TM4SF4: variants seen among roughly 807,000 people sequenced by gnomAD.
TM4SF4 encodes transmembrane 4 L six family member 4.
Under a neutral mutation model 24.1 loss-of-function variants are expected in TM4SF4, and 24 were observed. The ratio of observed to expected loss-of-function variants is 1.00; its 90% CI spans 0.72 to 1.40. TM4SF4 has a LOEUF of 1.40. Among genes scored for constraint, TM4SF4 ranks in the 40% most tolerant of loss-of-function variants. The probability of loss-of-function intolerance (pLI) is 0.00; values close to 1 mark genes in which losing one functional copy is unlikely to be tolerated. For missense variants in TM4SF4, 254 were observed against 254.2 expected, an observed-to-expected ratio of 1.00 and a Z score of 0.01; for synonymous variants, 113 against 97.0, an observed-to-expected ratio of 1.17 and a Z score of -0.97.
At chr3:149,487,340 T>C (rs1380100656) in intron 2 of TM4SF4, among the ~76,000 whole-genome samples, 1 of 152,092 alleles carries the variant, frequency 6.6e-6, no homozygotes, top group East Asian at 2.0e-4. Context: ...GGAGAGTTTA[T>C]CTTTAACAAG....
Position 149,502,771 on chromosome 3 carries a change from A to G in TM4SF4, c.*78A>G. ...TCATAAAACTTCTTCTCTTCTTGGA[A>G]TTATTAATTCCTATCTGCTTCCTAG... On this transcript the variant is annotated 3_prime_UTR_variant, in exon 5 of 5. Coordinates refer to ENST00000305354, the MANE Select transcript of TM4SF4 (RefSeq NM_004617.4). The G allele has an allele frequency of 1.9e-6, 2 of 1,074,824 alleles. No individual in the cohort carries two copies. Among genetic ancestry groups the G allele is most frequent in the South Asian group, 1.3e-5 (1 of 75,362 alleles). 66.6% of individuals were successfully genotyped at this position (1,074,824 alleles called of 1,614,324 possible). A position where few individuals can be genotyped will look rare whatever the true frequency, so the allele number is the denominator to read the frequency against.
chr3:149,486,383 G>GGTCTGT (rs892085596), intron 2 of TM4SF4, among the ~76,000 whole-genome samples: 1 of 152,124 alleles, frequency 6.6e-6, no homozygotes, highest in Non-Finnish European at 1.5e-5. Context: ...CCTGGGTCTG[G>GGTCTGT]GTCTGCTGAC....
intron 2 of TM4SF4, among the ~76,000 whole-genome samples, chr3:149,483,552 G>T (rs1005028903): frequency 2.0e-5 from 3 of 150,890 alleles, no homozygotes; most frequent in African/African-American, 7.3e-5. Flanking sequence ...AAACTTATAG[G>T]ATCCAATAAG....
chr3:149,487,920 A>G (rs1734147449), intron 3 of TM4SF4, among the ~76,000 whole-genome samples, 165 bp downstream of exon 3: 1 of 152,236 alleles, frequency 6.6e-6, no homozygotes, highest in Non-Finnish European at 1.5e-5. Context: ...GCAAAGTTGC[A>G]TAGGCTCTCA....
intron 2 of TM4SF4, among the ~76,000 whole-genome samples, chr3:149,483,215 TCG>T: frequency 1.3e-5 from 2 of 152,336 alleles, no homozygotes; most frequent in Admixed American, 1.3e-4. Flanking sequence ...TCTCTTGCTC[TCG>T]TCCTAGAGTT....
intron 2 of TM4SF4, among the ~76,000 whole-genome samples, chr3:149,485,582 A>G (rs1210484204): frequency 2.0e-5 from 3 of 152,210 alleles, no homozygotes; most frequent in African/African-American, 7.2e-5. Flanking sequence ...CAAATAACTT[A>G]TTGTCTGTGA....
chr3:149,496,513 G>A (rs1178779769), intron 3 of TM4SF4, among the ~76,000 whole-genome samples: 4 of 152,310 alleles, frequency 2.6e-5, no homozygotes, highest in South Asian at 2.1e-4. Context: ...CAGATGCCGT[G>A]GCTCACAACT....
Position 149,498,783 on chromosome 3 carries a change from T to G in TM4SF4, c.463T>G (p.Trp155Gly), listed in dbSNP as rs766524260. 2.2e-5 allele frequency: 36 copies of G among 1,614,030 alleles called. No individual in the cohort carries two copies. The highest frequency in any genetic ancestry group is 2.9e-5 in the Non-Finnish European group (34 of 1,179,880). ...KCREPLNVVP[W>G]NLTLFSILLV... The stretch of plus-strand genomic sequence containing the variant: ...CCGAGAGCCTCTCAATGTGGTTCCC[T>G]GGAATCTGACCCTCTTCTCCATCCT... The change falls in exon 4 of 5, where the codon TGG becomes GGG. Residue 155 changes from tryptophan to glycine, a missense_variant. Coordinates refer to ENST00000305354, the MANE Select transcript of TM4SF4 (RefSeq NM_004617.4).
rs968408288 is a variant in TM4SF4, at chr3:149,474,808, C to G, written c.-70C>G. ...TTACAAGGACTCTCTGGCCAAAAAC[C>G]CTTGAAGAGGCCCCGTGAAGGAGGC... is the stretch of plus-strand genomic sequence containing the variant. On this transcript the variant is annotated 5_prime_UTR_variant, in exon 1 of 5. Coordinates refer to ENST00000305354, the MANE Select transcript of TM4SF4 (RefSeq NM_004617.4). The G allele has an allele frequency of 9.3e-6, 14 of 1,504,052 alleles. No individual in the cohort carries two copies. Among genetic ancestry groups the G allele is most frequent in the African/African-American group, 2.8e-5 (2 of 71,150 alleles). The allele number at this position is 1,504,052 out of a possible 1,614,324, so 93.2% of individuals were successfully genotyped here.
intron 3 of TM4SF4, 88 bp from the exon 4 acceptor site, chr3:149,498,634 C>T: frequency 2.5e-6 from 3 of 1,184,418 alleles, no homozygotes; most frequent in Non-Finnish European, 3.7e-6. Context: ...GAAAGTAGTG[C>T]ATGAGAAACA....
At chr3:149,488,447 A>G (rs1170604135) in intron 3 of TM4SF4, among the ~76,000 whole-genome samples, 1 of 152,198 alleles carries the variant, frequency 6.6e-6, no homozygotes, top group African/African-American at 2.4e-5. Flanking sequence ...CAGGGCTCAA[A>G]CTCAGGACTT....
intron 2 of TM4SF4, among the ~76,000 whole-genome samples, chr3:149,476,362 C>T (rs540729785): frequency 6.6e-6 from 1 of 152,318 alleles, no homozygotes; most frequent in African/African-American, 2.4e-5. Flanking sequence ...TTCTAGGTTC[C>T]TCACTCACAC....
chr3:149,488,459 T>C (rs1734158826), intron 3 of TM4SF4, among the ~76,000 whole-genome samples: 1 of 152,232 alleles, frequency 6.6e-6, no homozygotes, highest in Admixed American at 6.5e-5. Flanking sequence ...TCAGGACTTC[T>C]GACTTCAAGT....
intron 3 of TM4SF4, chr3:149,494,592 G>A (rs1734278275): frequency 6.8e-6 from 1 of 146,050 alleles, no homozygotes; most frequent in Non-Finnish European, 1.5e-5. Context: ...AAAAAAAAAG[G>A]CATTTTCACA....
rs1733892766 is a variant in TM4SF4, at chr3:149,474,775, G to C, written c.-103G>C. The C allele has an allele frequency of 4.0e-6, 5 of 1,251,994 alleles. No homozygotes were observed. The highest frequency in any genetic ancestry group is 5.5e-6 in the Non-Finnish European group (5 of 915,592). The allele number at this position is 1,251,994 out of a possible 1,614,324, so 77.6% of individuals were successfully genotyped here. A position where few individuals can be genotyped will look rare whatever the true frequency, so the allele number is the denominator to read the frequency against. ...TCAGCCCCAAAATACTGATTGAATT[G>C]GAGACAATTACAAGGACTCTCTGGC... On this transcript the variant is annotated 5_prime_UTR_variant, in exon 1 of 5. Coordinates refer to ENST00000305354, the MANE Select transcript of TM4SF4 (RefSeq NM_004617.4).
intron 2 of TM4SF4, among the ~76,000 whole-genome samples, chr3:149,484,079 C>A (rs1383895566): frequency 2.6e-5 from 4 of 152,078 alleles, no homozygotes; most frequent in African/African-American, 9.7e-5. Flanking sequence ...CTGTGCCGGG[C>A]CCGTTTATTT....
At chr3:149,485,532 A>G (rs1329807278) in intron 2 of TM4SF4, among the ~76,000 whole-genome samples, 1 of 152,232 alleles carries the variant, frequency 6.6e-6, no homozygotes, top group East Asian at 1.9e-4. Flanking sequence ...AAGAAGGAAA[A>G]CTGTAAAACT....
chr3:149,484,465 C>T (rs950145649), intron 2 of TM4SF4, among the ~76,000 whole-genome samples: 1 of 152,170 alleles, frequency 6.6e-6, no homozygotes, highest in Non-Finnish European at 1.5e-5. Context: ...CTCACTGCAA[C>T]CTCTGCCTCT....
chr3:149,484,545 C>T (rs909972256), intron 2 of TM4SF4, among the ~76,000 whole-genome samples: 1 of 148,934 alleles, frequency 6.7e-6, no homozygotes, highest in Non-Finnish European at 1.5e-5. Flanking sequence ...CACCACACCC[C>T]GCTAATTTTT....
Sources: allele counts gnomAD v4.1 joint callset (sites outside exome capture counted in the v4.1 genomes callset), GRCh38; gene constraint gnomAD v4.1.1; transcripts MANE v1.5; gene names NCBI Gene and HGNC (gene_info 2026-07-23, HGNC 2026-07-21).